ZNF385D: variants seen among roughly 807,000 people sequenced by gnomAD.
The protein encoded by ZNF385D is zinc finger protein 385D.
ZNF385D carries 15 observed loss-of-function variants against 35.8 expected under a neutral mutation model. The ratio of observed to expected loss-of-function variants is 0.42; its 90% CI spans 0.28 to 0.64. The LOEUF (loss-of-function observed/expected upper bound fraction) is 0.64. ZNF385D is among the 30% of genes least tolerant of loss of function. The probability of loss-of-function intolerance (pLI) is 0.23; values close to 1 mark genes in which losing one functional copy is unlikely to be tolerated. For synonymous variants in ZNF385D, 212 were observed against 186.8 expected (o/e 1.13, Z -1.10); for missense variants, 474 against 494.6 (o/e 0.96, Z 0.39).
intron 3 of ZNF385D, among the ~76,000 whole-genome samples, chr3:22,058,730 C>A (rs1443722343): frequency 6.6e-6 from 1 of 152,122 alleles, no homozygotes; most frequent in Non-Finnish European, 1.5e-5. Context: ...TATTGCAAAT[C>A]TATACCATTT....
intron 3 of ZNF385D, among the ~76,000 whole-genome samples, chr3:21,862,624 T>C (rs1054222541): frequency 4.6e-5 from 7 of 152,144 alleles, no homozygotes; most frequent in Non-Finnish European, 8.8e-5. Flanking sequence ...TAAAGACGTA[T>C]GCTAAAGAGA....
At chr3:22,039,538 G>C (rs1398658279) in intron 3 of ZNF385D, among the ~76,000 whole-genome samples, 1 of 152,058 alleles carries the variant, frequency 6.6e-6, no homozygotes, top group Non-Finnish European at 1.5e-5. Flanking sequence ...CATCAGACTA[G>C]AGAGGAGTCA....
At chr3:21,800,959 G>A (rs545449097) in intron 3 of ZNF385D, among the ~76,000 whole-genome samples, 14 of 152,080 alleles carry the variant, frequency 9.2e-5, no homozygotes, top group Non-Finnish European at 1.8e-4. Flanking sequence ...TCACCATTAA[G>A]TGTACTATTT....
At chr3:21,922,161 TC>T (rs1700497883) in intron 3 of ZNF385D, among the ~76,000 whole-genome samples, 2 of 152,024 alleles carry the variant, frequency 1.3e-5, no homozygotes, top group South Asian at 4.2e-4. Flanking sequence ...GGAAAAATAG[TC>T]CATGCTCATG....
chr3:22,081,915 C>A (rs1404062339), intron 3 of ZNF385D, among the ~76,000 whole-genome samples: 5 of 151,590 alleles, frequency 3.3e-5, no homozygotes, highest in African/African-American at 1.2e-4. Context: ...GTGATCTTAT[C>A]ACCTCTTAAA....
chr3:22,173,751 G>A (rs894360809), intron 2 of ZNF385D, among the ~76,000 whole-genome samples: 2 of 152,022 alleles, frequency 1.3e-5, no homozygotes, highest in African/African-American at 4.8e-5. Flanking sequence ...CTTACTTGCC[G>A]TATACAAACT....
At chr3:22,325,375 G>A (rs1033743090) in intron 2 of ZNF385D, among the ~76,000 whole-genome samples, 2 of 152,158 alleles carry the variant, frequency 1.3e-5, no homozygotes. Flanking sequence ...TTGATCATTA[G>A]TTGTACAGCA....
intron 4 of ZNF385D, among the ~76,000 whole-genome samples, chr3:21,482,645 G>T (rs1704716347): frequency 6.6e-6 from 1 of 152,106 alleles, no homozygotes; most frequent in Non-Finnish European, 1.5e-5. Context: ...AATTATCTGT[G>T]AAATTTTTTT....
intron 2 of ZNF385D, among the ~76,000 whole-genome samples, chr3:21,653,210 T>A (rs2065969984): frequency 6.6e-6 from 1 of 152,182 alleles, no homozygotes; most frequent in Non-Finnish European, 1.5e-5. Flanking sequence ...TTGTGATATT[T>A]CCATGTAAAA....
rs373507271 is a variant in ZNF385D at position 22,334,728 on chromosome 3, T to A, written c.106+37722A>T. ...GGACATTTTACCCTACTTTTATTATTTTTTTCTTCATATTCAGTTTTTAGC... is the reference window on the plus strand; with the variant it reads ...GGACATTTTACCCTACTTTTATTATATTTTTCTTCATATTCAGTTTTTAGC... On this transcript the variant is annotated intron_variant, in intron 2 of 5. Coordinates refer to the ZNF385D transcript ENST00000494108. 1.9e-4 allele frequency among the ~76,000 whole-genome samples: 29 copies of A among 152,250 alleles called. 1 individual carries two copies. In the East Asian group the frequency reaches 4.4e-3, roughly 23 times the overall value.
chr3:21,470,016 C>T (rs1191120204), intron 4 of ZNF385D, among the ~76,000 whole-genome samples: 4 of 152,112 alleles, frequency 2.6e-5, no homozygotes, highest in Admixed American at 6.6e-5. Context: ...AAATGGAAGT[C>T]GTAGCAACTA....
intron 3 of ZNF385D, among the ~76,000 whole-genome samples, chr3:21,778,946 C>T (rs1488007944): frequency 1.3e-5 from 2 of 151,892 alleles, no homozygotes; most frequent in East Asian, 1.9e-4. Context: ...AGACAACAAA[C>T]CTAGCCTGTT....
intron 2 of ZNF385D, among the ~76,000 whole-genome samples, chr3:22,311,036 T>G (rs1333384966): frequency 6.6e-6 from 1 of 151,786 alleles, no homozygotes; most frequent in African/African-American, 2.4e-5. Context: ...ACTACGAAGG[T>G]TGAATTGAAT....
chr3:22,283,087 G>C (rs958178481), intron 2 of ZNF385D, among the ~76,000 whole-genome samples: 1 of 151,964 alleles, frequency 6.6e-6, no homozygotes, highest in Non-Finnish European at 1.5e-5. Context: ...AAAAGACAAA[G>C]AGGGACCTTA....
chr3:21,568,730 G>C (rs2063231459), intron 2 of ZNF385D, among the ~76,000 whole-genome samples: 1 of 152,000 alleles, frequency 6.6e-6, no homozygotes. Flanking sequence ...TTTTATTTTT[G>C]TTTTTTAATT....
At chr3:21,745,054 A>G (rs1193577147) in intron 1 of ZNF385D, among the ~76,000 whole-genome samples, 1 of 152,108 alleles carries the variant, frequency 6.6e-6, no homozygotes, top group Non-Finnish European at 1.5e-5. Context: ...CCTGGCACTA[A>G]CAAGAGTGCT....
intron 2 of ZNF385D, among the ~76,000 whole-genome samples, chr3:21,605,348 T>C (rs2064446593): frequency 1.3e-5 from 2 of 152,166 alleles, no homozygotes; most frequent in Non-Finnish European, 2.9e-5. Context: ...CAGCAGCAGC[T>C]TGGGGACAGA....
At chr3:21,534,448 C>T (rs2061992224) in intron 3 of ZNF385D, among the ~76,000 whole-genome samples, 1 of 151,978 alleles carries the variant, frequency 6.6e-6, no homozygotes, top group South Asian at 2.1e-4. Context: ...TTCAGTTCTT[C>T]AAACACAAAA....
chr3:21,894,554 C>A (rs1699036287), intron 3 of ZNF385D, among the ~76,000 whole-genome samples: 1 of 152,114 alleles, frequency 6.6e-6, no homozygotes, highest in Non-Finnish European at 1.5e-5. Flanking sequence ...TATGACTTTA[C>A]AACAGCAAAG....
Sources: allele counts gnomAD v4.1 joint callset (sites outside exome capture counted in the v4.1 genomes callset), GRCh38; gene constraint gnomAD v4.1.1; transcripts MANE v1.5; gene names NCBI Gene and HGNC (gene_info 2026-07-23, HGNC 2026-07-21).